Variants in SF3B3 observed in about 807,000 individuals in gnomAD.
The protein encoded by SF3B3 is SAP 130.
In SF3B3, 33 loss-of-function variants were observed where a neutral mutation model predicts 139.2. The ratio of observed to expected loss-of-function variants is 0.24; its 90% CI spans 0.18 to 0.32. SF3B3 has a LOEUF of 0.32. Ranked by LOEUF, SF3B3 falls within the 10% of genes least tolerant of loss-of-function variation. SF3B3 has a pLI of 1.00. For synonymous variants in SF3B3, 596 were observed against 563.6 expected (o/e 1.06, Z -0.81); for missense variants, 818 against 1,509.4 (o/e 0.54, Z 7.59).
rs200963544 is a variant in SF3B3 at position 70,563,837 on chromosome 16, G to A, written c.2289-39G>A. ...TATTTCAACACCAGTTTCTGGGTCC[G>A]AGTGAGTATTAAATAACTGCCTTGC... On this transcript the variant is annotated intron_variant, in intron 17 of 25. Coordinates refer to ENST00000302516, the MANE Select transcript of SF3B3 (RefSeq NM_012426.5). 28 of 1,602,048 alleles carry A rather than the reference G, an allele frequency of 1.7e-5. No homozygotes were observed. In the East Asian group the frequency reaches 4.7e-4, roughly 27 times the overall value.
rs2050537740 is a variant in SF3B3, at chr16:70,572,390, T to G, written c.*577T>G. 4.8e-6 allele frequency: 1 copy of G among 207,166 alleles called. No homozygotes were observed. Among genetic ancestry groups the G allele is most frequent in the South Asian group, 6.7e-5 (1 of 14,954 alleles). The allele number at this position is 207,166 out of a possible 1,614,324, so 12.8% of individuals were successfully genotyped here. A position where few individuals can be genotyped will look rare whatever the true frequency, so the allele number is the denominator to read the frequency against. On this transcript the variant is annotated 3_prime_UTR_variant, in exon 26 of 26. Transcript: ENST00000302516. ...AGGAAGAACTGAGTAGACTCCTTCCTTCCAGATACCGACTTGGACTTGCGG... is the reference window on the plus strand; with the variant it reads ...AGGAAGAACTGAGTAGACTCCTTCCGTCCAGATACCGACTTGGACTTGCGG...
rs2151796909 is a variant in SF3B3 at position 70,572,822 on chromosome 16, A to T, written c.*1009A>T. The T allele has an allele frequency of 6.6e-6, 1 of 152,352 alleles. No homozygotes were observed. The highest frequency in any genetic ancestry group is 1.9e-4 in the East Asian group (1 of 5,182). 9.4% of individuals were successfully genotyped at this position (152,352 alleles called of 1,614,324 possible). ...GGTATAATGAGAGCCTGTTAGGTGG[A>T]AGAGGCCCAGTTCCAGAAATGTTCC... On this transcript the variant is annotated 3_prime_UTR_variant, in exon 26 of 26. Transcript: ENST00000302516.
chr16:70,533,930 C>T (rs2050144274), intron 5 of SF3B3, among the ~76,000 whole-genome samples: 1 of 152,156 alleles, frequency 6.6e-6, no homozygotes, highest in Non-Finnish European at 1.5e-5. Context: ...CCTTTGCAGT[C>T]AGTATGTGCT....
At chr16:70,526,416 C>G (rs1012379946) in intron 1 of SF3B3, among the ~76,000 whole-genome samples, 171 bp from the exon 2 acceptor site, 1 of 152,144 alleles carries the variant, frequency 6.6e-6, no homozygotes, top group East Asian at 1.9e-4. Flanking sequence ...CTGTGTTGCC[C>G]AAGCTGGTCT....
At chr16:70,532,681 A>G (rs2050132970) in intron 5 of SF3B3, 61 bp downstream of exon 5, 1 of 1,518,938 alleles carries the variant, frequency 6.6e-7, no homozygotes. Flanking sequence ...GCCCAAACCT[A>G]ATAGGTTTTA....
intron 24 of SF3B3, among the ~76,000 whole-genome samples, 167 bp downstream of exon 24, chr16:70,570,316 C>T (rs946319512): frequency 2.7e-5 from 4 of 148,452 alleles, no homozygotes; most frequent in African/African-American, 9.9e-5. Context: ...TCTCCCGCAC[C>T]CAGGGAAGGC....
intron 21 of SF3B3, 27 bp from the exon 22 acceptor site, chr16:70,568,256 C>CATCA (rs2050495927): frequency 1.3e-6 from 2 of 1,543,626 alleles, no homozygotes; most frequent in East Asian, 4.5e-5. Flanking sequence ...TTACACCCAC[C>CATCA]ATCACTATTG....
rs2050557144 is a variant in SF3B3 at position 70,574,316 on chromosome 16, G to C, written c.*2503G>C. 6.6e-6 allele frequency: 1 copy of C among 151,982 alleles called. No homozygotes were observed. The highest frequency in any genetic ancestry group is 1.5e-5 in the Non-Finnish European group (1 of 68,004). The allele number at this position is 151,982 out of a possible 1,614,324, so 9.4% of individuals were successfully genotyped here. On this transcript the variant is annotated 3_prime_UTR_variant, in exon 26 of 26. Coordinates refer to ENST00000302516, the MANE Select transcript of SF3B3 (RefSeq NM_012426.5). ...AATCCACCTCAGCCTCCAGAGTAGG[G>C]GAGACTACAGATGTGTGCCACCATA...
chr16:70,535,529 T>A, intron 6 of SF3B3, 109 bp downstream of exon 6: 1 of 546,940 alleles, frequency 1.8e-6, no homozygotes, highest in Non-Finnish European at 3.2e-6. Flanking sequence ...AAAAAAAAAA[T>A]TCAGTGACCC....
chr16:70,545,687 G>C (rs1480926888), intron 10 of SF3B3, among the ~76,000 whole-genome samples: 2 of 152,064 alleles, frequency 1.3e-5, no homozygotes, highest in Non-Finnish European at 2.9e-5. Flanking sequence ...AGATAATCTG[G>C]GTTTTGAATT....
intron 8 of SF3B3, among the ~76,000 whole-genome samples, chr16:70,539,670 C>G (rs576615580): frequency 1.3e-5 from 2 of 152,100 alleles, no homozygotes; most frequent in African/African-American, 4.8e-5. Flanking sequence ...CTTTTTCTTA[C>G]CTTCCTTTAT....
intron 6 of SF3B3, 84 bp from the exon 7 acceptor site, chr16:70,538,239 G>A (rs2151780391): frequency 7.9e-7 from 1 of 1,269,584 alleles, no homozygotes; most frequent in South Asian, 1.3e-5. Flanking sequence ...AATGTCATTT[G>A]TAATCCCTAT....
intron 9 of SF3B3, among the ~76,000 whole-genome samples, chr16:70,543,590 C>T (rs2050240368): frequency 1.3e-5 from 2 of 151,976 alleles, no homozygotes; most frequent in African/African-American, 4.8e-5. Context: ...TGCTTGTAAT[C>T]CCAGCTACTT....
chr16:70,570,221 C>A, intron 24 of SF3B3, 72 bp downstream of exon 24: 1 of 1,404,762 alleles, frequency 7.1e-7, no homozygotes, highest in Non-Finnish European at 9.9e-7. Flanking sequence ...CCTAAGAGGT[C>A]AAATTCATTT....
intron 5 of SF3B3, 93 bp from the exon 6 acceptor site, chr16:70,535,212 CCAT>C (rs1248638114): frequency 3.4e-6 from 2 of 592,506 alleles, no homozygotes; most frequent in Middle Eastern, 2.7e-4. Flanking sequence ...AGGCACATTA[CCAT>C]CATCAAGTTG....
intron 3 of SF3B3, 95 bp from the exon 4 acceptor site, chr16:70,530,650 G>C (rs2050112715): frequency 9.5e-7 from 1 of 1,047,624 alleles, no homozygotes; most frequent in Admixed American, 2.3e-5. Context: ...TGTTAATAAT[G>C]ATTAAAAGAA....
intron 4 of SF3B3, among the ~76,000 whole-genome samples, chr16:70,531,484 C>G (rs564368146): frequency 6.6e-6 from 1 of 152,170 alleles, no homozygotes; most frequent in East Asian, 1.9e-4. Flanking sequence ...ACTATGTTGG[C>G]CAGGCTGGTC....
intron 16 of SF3B3, among the ~76,000 whole-genome samples, chr16:70,561,071 A>C (rs1237379952): frequency 2.0e-5 from 3 of 151,360 alleles, no homozygotes; most frequent in Non-Finnish European, 4.4e-5. Context: ...CCCAGGCTGG[A>C]ATGTAGTGGT....
intron 21 of SF3B3, 49 bp downstream of exon 21, chr16:70,567,585 G>A (rs553531975): frequency 1.3e-6 from 2 of 1,577,812 alleles, no homozygotes; most frequent in Non-Finnish European, 8.6e-7. Context: ...TGTCAAGGGT[G>A]GGGGCATTGG....
Sources: gnomAD v4.1 joint callset for allele counts (sites outside exome capture counted in the v4.1 genomes callset) on GRCh38, gnomAD v4.1.1 for gene constraint, MANE v1.5 for transcripts, NCBI Gene and HGNC (gene_info 2026-07-23, HGNC 2026-07-21) for gene names.